Variants in LIPH observed in about 807,000 individuals in gnomAD.
LIPH encodes lipase member H.
Under a neutral mutation model 47.6 loss-of-function variants are expected in LIPH, and 32 were observed. The observed-to-expected ratio is 0.67, with a 90% CI of 0.51 to 0.90. LIPH has a LOEUF of 0.90. Ranked by LOEUF, LIPH falls within the 40% of genes least tolerant of loss-of-function variation. LIPH has a pLI of 0.00. For synonymous variants in LIPH, 190 were observed against 195.6 expected (o/e 0.97, Z 0.24); for missense variants, 497 against 541.4 (o/e 0.92, Z 0.81).
intron 1 of LIPH, among the ~76,000 whole-genome samples, chr3:185,536,424 G>A (rs1362980639): frequency 1.3e-5 from 2 of 152,146 alleles, no homozygotes; most frequent in East Asian, 3.9e-4. Flanking sequence ...ACATCTGTCT[G>A]ACTTCCTCCA....
chr3:185,514,759 G>T (rs983547084), intron 7 of LIPH, among the ~76,000 whole-genome samples: 1 of 152,160 alleles, frequency 6.6e-6, no homozygotes, highest in Admixed American at 6.6e-5. Flanking sequence ...AGGCATCATC[G>T]TTGAACCAGT....
rs899341419 is a variant in LIPH, at chr3:185,543,229, A to G, written c.50-8097T>C. Reference sequence around the variant, plus strand: ...ATCTCAAAAATAAATAAATAAATAAATAAATAAAATGGTGCCCAAGCATAA... The same window carrying G: ...ATCTCAAAAATAAATAAATAAATAAGTAAATAAAATGGTGCCCAAGCATAA... On this transcript the variant is annotated intron_variant, in intron 1 of 9. Transcript: ENST00000296252. 3.9e-5 allele frequency among the ~76,000 whole-genome samples: 6 copies of G among 152,116 alleles called. No homozygotes were observed. The South Asian group carries it at 6.2e-4, about 16-fold the overall frequency.
chr3:185,552,007 C>T (rs1464873842), intron 1 of LIPH, among the ~76,000 whole-genome samples: 1 of 151,796 alleles, frequency 6.6e-6, no homozygotes, highest in Non-Finnish European at 1.5e-5. Flanking sequence ...AATATAAAAA[C>T]CAACCCTTGA....
In LIPH at chr3:185,528,804, C is replaced by T. The variant is rs559417670; in HGVS notation, c.527-1219G>A. On this transcript the variant is annotated intron_variant, in intron 3 of 9. Transcript: ENST00000296252. Reference sequence around the variant, plus strand: ...ATTTGGGTGTTCCTCACTATCACTACGAAGCAGCTGGAAAAACAGGAGAGA... The same window carrying T: ...ATTTGGGTGTTCCTCACTATCACTATGAAGCAGCTGGAAAAACAGGAGAGA... Among the ~76,000 whole-genome samples the T allele has an allele frequency of 6.6e-5, 10 of 152,116 alleles. No homozygotes were observed. The South Asian group carries it at 1.9e-3, about 28-fold the overall frequency.
rs1360512601 is a variant in LIPH at position 185,535,184 on chromosome 3, T to G, written c.50-52A>C. 2.5e-6 allele frequency: 4 copies of G among 1,601,338 alleles called. No homozygotes were observed. The African/African-American group carries it at 4.0e-5, about 16-fold the overall frequency. Reference sequence around the variant, plus strand: ...CGACAGGTCTTTCCTTAGCTGGGCATCAAGCAAGAGTGCTGTTCTATATTT... The same window carrying G: ...CGACAGGTCTTTCCTTAGCTGGGCAGCAAGCAAGAGTGCTGTTCTATATTT... On this transcript the variant is annotated intron_variant, in intron 1 of 9. Coordinates refer to ENST00000296252, the MANE Select transcript of LIPH (RefSeq NM_139248.3).
intron 4 of LIPH, 137 bp downstream of exon 4, chr3:185,527,347 G>A (rs964614294): frequency 2.7e-6 from 2 of 744,162 alleles, no homozygotes; most frequent in Non-Finnish European, 4.9e-6. Context: ...CAATATTTCG[G>A]TGGATTTGGA....
intron 3 of LIPH, among the ~76,000 whole-genome samples, chr3:185,529,949 AGAAAGAAAGAAAGAAG>A (rs1269042388): frequency 0.012 from 648 of 55,360 alleles, 6 homozygotes; most frequent in Admixed American, 0.019. Flanking sequence ...AAAGAAAGAA[AGAAAGAAAGAAAGAAG>A]GAAAGAAAGA....
Position 185,508,710 on chromosome 3 carries a change from G to T in LIPH, c.*80C>A. The T allele has an allele frequency of 9.7e-7, 1 of 1,029,566 alleles. No individual in the cohort carries two copies. Among genetic ancestry groups the T allele is most frequent in the Non-Finnish European group, 1.5e-6 (1 of 649,384 alleles). 63.8% of individuals were successfully genotyped at this position (1,029,566 alleles called of 1,614,324 possible). ...TTTTTCATACTTTTTCTGCCTTGCA[G>T]AAAGGTGAGGTGAAGCTTTCAAACA... On this transcript the variant is annotated 3_prime_UTR_variant, in exon 10 of 10. Coordinates refer to ENST00000296252, the MANE Select transcript of LIPH (RefSeq NM_139248.3).
Position 185,535,049 on chromosome 3 carries a change from G to A in LIPH, c.133C>T (p.Leu45Phe). The stretch of plus-strand genomic sequence containing the variant: ...CAGGTCAGGTTTTTCCTTGTGTAGA[G>A]CATCAGCCTCACATTTAGTCCCGTA... The part of the protein sequence containing the change: ...VGTGLNVRLM[L>F]YTRKNLTCAQ... The change falls in exon 2 of 10, where the codon CTC becomes TTC. Residue 45 changes from leucine (L) to phenylalanine (F), a missense_variant. Transcript: ENST00000296252. 3 of 1,613,784 alleles carry A rather than the reference G, an allele frequency of 1.9e-6. No homozygotes were observed. Among genetic ancestry groups the A allele is most frequent in the South Asian group, 1.1e-5 (1 of 91,018 alleles).
chr3:185,537,085 A>G (rs530001601), intron 1 of LIPH, among the ~76,000 whole-genome samples: 1 of 152,274 alleles, frequency 6.6e-6, no homozygotes, highest in East Asian at 1.9e-4. Flanking sequence ...GGGTTTCATC[A>G]TGTTGGCCAA....
intron 5 of LIPH, among the ~76,000 whole-genome samples, chr3:185,519,836 C>CAAAAAAAAAAAA (rs145391972): frequency 3.7e-5 from 2 of 53,788 alleles, no homozygotes; most frequent in African/African-American, 1.6e-4. Context: ...CACTCCATCT[C>CAAAAAAAAAAAA]AAAAAAAAAA....
intron 1 of LIPH, among the ~76,000 whole-genome samples, chr3:185,552,205 T>A (rs1220507057): frequency 6.6e-6 from 1 of 151,248 alleles, no homozygotes; most frequent in Admixed American, 6.6e-5. Context: ...TATTGAGAAA[T>A]TTTTTTCAGG....
chr3:185,550,531 G>C lies in LIPH; in HGVS notation c.49+1892C>G, dbSNP rs74800217. Reference sequence around the variant, plus strand: ...AAGCCATCTTGTGTTTTTGTGTTAGGGTTGTCCCTGACCCATTTAAGATAC... The same window carrying C: ...AAGCCATCTTGTGTTTTTGTGTTAGCGTTGTCCCTGACCCATTTAAGATAC... On this transcript the variant is annotated intron_variant, in intron 1 of 9. Transcript: ENST00000296252. Among the ~76,000 whole-genome samples, 874 of 152,124 alleles carry C rather than the reference G, an allele frequency of 5.7e-3. 6 individuals carry two copies. The highest frequency in any genetic ancestry group is 0.02 in the African/African-American group (817 of 41,518).
rs5018864 is a variant in LIPH at position 185,526,691 on chromosome 3, A to T, written c.628+793T>A. Among the ~76,000 whole-genome samples, 169 of 32,738 alleles carry T rather than the reference A, an allele frequency of 5.2e-3. 1 individual carries two copies. The highest frequency in any genetic ancestry group is 0.012 in the African/African-American group (139 of 11,940). The allele number at this position is 32,738 out of a possible 152,430, so 21.5% of individuals were successfully genotyped here. On this transcript the variant is annotated intron_variant, in intron 4 of 9. Coordinates refer to ENST00000296252, the MANE Select transcript of LIPH (RefSeq NM_139248.3). ...TATAATATAATATAATATAATATAA[A>T]ATAAATAAAATAAAATAAATAAAAT...
chr3:185,517,602 T>C (rs1207274117), intron 6 of LIPH, among the ~76,000 whole-genome samples: 1 of 152,180 alleles, frequency 6.6e-6, no homozygotes, highest in Non-Finnish European at 1.5e-5. Context: ...GCTTGCCACA[T>C]GACTGACTGT....
intron 1 of LIPH, among the ~76,000 whole-genome samples, chr3:185,540,926 G>A (rs1720689855): frequency 1.3e-5 from 2 of 152,060 alleles, no homozygotes; most frequent in Non-Finnish European, 2.9e-5. Context: ...GTGCGCTGCC[G>A]ACTTCTGCCA....
chr3:185,550,576 T>C (rs1431543634), intron 1 of LIPH, among the ~76,000 whole-genome samples: 1 of 152,174 alleles, frequency 6.6e-6, no homozygotes, highest in Admixed American at 6.5e-5. Context: ...TATATTATTA[T>C]ATATTTTTTT....
rs1180211034 is a variant in LIPH, at chr3:185,529,906, AAAAGAAAGAAAG to A, written c.527-2333_527-2322del. Among the ~76,000 whole-genome samples the A allele has an allele frequency of 1.4e-3, 177 of 122,712 alleles. 3 individuals are homozygous for A. Among genetic ancestry groups the A allele is most frequent in the African/African-American group, 2.1e-3 (64 of 30,964 alleles). The allele number at this position is 122,712 out of a possible 152,430, so 80.5% of individuals were successfully genotyped here. On this transcript the variant is annotated intron_variant, in intron 3 of 9. Transcript: ENST00000296252. The stretch of plus-strand genomic sequence containing the variant: ...AAGAGAGAGAGAGAAAGAGAGAAAG[AAAAGAAAGAAAG>A]AAAGAAAGAAAGAAAGAAAGAAAGA...
intron 5 of LIPH, among the ~76,000 whole-genome samples, chr3:185,522,650 A>AAGAAAG (rs1235808164): frequency 1.4e-5 from 2 of 141,896 alleles, no homozygotes; most frequent in Non-Finnish European, 3.1e-5. Context: ...GAGAGAAAGA[A>AAGAAAG]AAAGAAAGAA....
Sources: allele counts gnomAD v4.1 joint callset (sites outside exome capture counted in the v4.1 genomes callset), GRCh38; gene constraint gnomAD v4.1.1; transcripts MANE v1.5; gene names NCBI Gene and HGNC (gene_info 2026-07-23, HGNC 2026-07-21).